PDE4D: variants seen among roughly 807,000 people sequenced by gnomAD.
The protein encoded by PDE4D is phosphodiesterase 4D.
PDE4D carries 24 observed loss-of-function variants against 87.4 expected under a neutral mutation model. The observed-to-expected ratio is 0.27, with a 90% CI of 0.20 to 0.39. The LOEUF (loss-of-function observed/expected upper bound fraction) is 0.39. PDE4D is among the 10% of genes least tolerant of loss of function. PDE4D has a pLI of 1.00. For synonymous variants in PDE4D, 384 were observed against 383.2 expected, an observed-to-expected ratio of 1.00 and a Z score of -0.02; for missense variants, 714 against 1,041.0, an observed-to-expected ratio of 0.69 and a Z score of 4.32.
intron 2 of PDE4D, among the ~76,000 whole-genome samples, chr5:60,089,009 A>C (rs560820356): frequency 6.6e-6 from 1 of 152,166 alleles, no homozygotes; most frequent in East Asian, 1.9e-4. Flanking sequence ...AAACAAACAA[A>C]AAGAGCAGAA....
At chr5:60,004,674 AT>A (rs1764309319) in intron 2 of PDE4D, among the ~76,000 whole-genome samples, 1 of 152,134 alleles carries the variant, frequency 6.6e-6, no homozygotes, top group Non-Finnish European at 1.5e-5. Context: ...TTGAATAGAC[AT>A]TTCTCCAAAG....
intron 1 of PDE4D, among the ~76,000 whole-genome samples, chr5:60,374,803 T>C (rs1264747011): frequency 3.9e-5 from 6 of 152,230 alleles, no homozygotes; most frequent in African/African-American, 1.4e-4. Context: ...CATTTGCTAC[T>C]TCATAATTTT....
rs992889016 is a variant in PDE4D at position 59,146,236 on chromosome 5, C to G, written c.808+34359G>C. Among the ~76,000 whole-genome samples the G allele has an allele frequency of 6.2e-4, 94 of 152,124 alleles. 2 individuals are homozygous for G. Among genetic ancestry groups the G allele is most frequent in the Non-Finnish European group, 2.2e-4 (15 of 68,010 alleles). On this transcript the variant is annotated intron_variant, in intron 5 of 14. Transcript: ENST00000340635. ...CTGTAGGAAGCTTTCCTTTTCCTTTCTGATAGACACCTTTGAAATATTAAC... is the reference window on the plus strand; with the variant it reads ...CTGTAGGAAGCTTTCCTTTTCCTTTGTGATAGACACCTTTGAAATATTAAC...
rs530329389 is a variant in PDE4D, at chr5:59,721,410, A to G, written c.455+171758T>C. Among the ~76,000 whole-genome samples the G allele has an allele frequency of 2.6e-5, 4 of 152,290 alleles. No homozygotes were observed. The South Asian group carries it at 6.2e-4, about 24-fold the overall frequency. ...GTAGCCCTAGTTTTTAGGCATGTTAATCTGGAATACAATTTTAAAAGCTAA... is the reference window on the plus strand; with the variant it reads ...GTAGCCCTAGTTTTTAGGCATGTTAGTCTGGAATACAATTTTAAAAGCTAA... On this transcript the variant is annotated intron_variant, in intron 1 of 14. Transcript: ENST00000340635.
In PDE4D at chr5:59,651,052, G is replaced by A. The variant is rs186763882; in HGVS notation, c.455+242116C>T. On this transcript the variant is annotated intron_variant, in intron 1 of 14. Coordinates refer to ENST00000340635, the MANE Select transcript of PDE4D (RefSeq NM_001104631.2). ...GGGCGGATCACGAGGTCAGGAGATC[G>A]AGACCATCCTGGCCAACATAGTGAA... is the stretch of plus-strand genomic sequence containing the variant. Among the ~76,000 whole-genome samples, 163 of 151,926 alleles carry A rather than the reference G, an allele frequency of 1.1e-3. 2 individuals carry two copies. Among genetic ancestry groups the A allele is most frequent in the African/African-American group, 3.3e-3 (135 of 41,476 alleles).
chr5:60,301,166 CTT>C (rs897890931), intron 1 of PDE4D, among the ~76,000 whole-genome samples: 1 of 152,202 alleles, frequency 6.6e-6, no homozygotes, highest in African/African-American at 2.4e-5. Flanking sequence ...CAGCTTTACT[CTT>C]TTTGCTTAGG....
At chr5:60,285,565 CTGTT>C (rs1350626304) in intron 1 of PDE4D, among the ~76,000 whole-genome samples, 1 of 151,876 alleles carries the variant, frequency 6.6e-6, no homozygotes, top group East Asian at 1.9e-4. Flanking sequence ...AACAACGAAT[CTGTT>C]TGGGAGTTGA....
chr5:59,087,996 C>T (rs1432970665), intron 5 of PDE4D, among the ~76,000 whole-genome samples: 1 of 152,154 alleles, frequency 6.6e-6, no homozygotes, highest in African/African-American at 2.4e-5. Context: ...AGTTGCTGGT[C>T]CTTGAAGTCT....
chr5:59,576,237 G>C (rs1823125595), intron 1 of PDE4D, among the ~76,000 whole-genome samples: 1 of 152,094 alleles, frequency 6.6e-6, no homozygotes, highest in Non-Finnish European at 1.5e-5. Flanking sequence ...TACAGATCAT[G>C]GAGAGGTTAG....
At chr5:59,744,790 C>T (rs1187930557) in intron 1 of PDE4D, among the ~76,000 whole-genome samples, 1 of 152,094 alleles carries the variant, frequency 6.6e-6, no homozygotes, top group Non-Finnish European at 1.5e-5. Flanking sequence ...ATAGTAATCA[C>T]ATATCATGTG....
chr5:59,529,705 G>C (rs1813824878), intron 1 of PDE4D, among the ~76,000 whole-genome samples: 1 of 151,826 alleles, frequency 6.6e-6, no homozygotes, highest in Non-Finnish European at 1.5e-5. Flanking sequence ...CCAATTTAAG[G>C]TTTTGAAATA....
In PDE4D at chr5:59,148,149, G is replaced by GA. The variant is rs367600575; in HGVS notation, c.808+32445dup. Among the ~76,000 whole-genome samples, 463 of 149,150 alleles carry GA rather than the reference G, an allele frequency of 3.1e-3. 10 individuals carry two copies. In the East Asian group the frequency reaches 0.055, roughly 18 times the overall value. ...ATGAAGGTAACCCATCCTCAGCTAG[G>GA]AAAAAAAAAATATGTATTTTCCAAA... On this transcript the variant is annotated intron_variant, in intron 5 of 14. Coordinates refer to ENST00000340635, the MANE Select transcript of PDE4D (RefSeq NM_001104631.2).
intron 2 of PDE4D, among the ~76,000 whole-genome samples, chr5:60,098,169 G>T (rs900591691): frequency 6.6e-6 from 1 of 151,808 alleles, no homozygotes; most frequent in African/African-American, 2.4e-5. Flanking sequence ...CACACAGCCT[G>T]GAAGTTGGTT....
At chr5:60,242,393 A>G (rs1334808846) in intron 1 of PDE4D, among the ~76,000 whole-genome samples, 1 of 152,132 alleles carries the variant, frequency 6.6e-6, no homozygotes, top group Non-Finnish European at 1.5e-5. Context: ...TCAACAGCCC[A>G]CTTTCGTCAT....
intron 1 of PDE4D, among the ~76,000 whole-genome samples, chr5:60,424,100 C>T (rs746497664): frequency 6.6e-6 from 1 of 152,130 alleles, no homozygotes; most frequent in African/African-American, 2.4e-5. Context: ...CTGAATTCTA[C>T]CAGAGGTACA....
chr5:59,966,496 A>G (rs1760072528), intron 3 of PDE4D, among the ~76,000 whole-genome samples: 1 of 152,230 alleles, frequency 6.6e-6, no homozygotes, highest in African/African-American at 2.4e-5. Context: ...ATGCTGCAAC[A>G]TAATAATTTA....
intron 1 of PDE4D, among the ~76,000 whole-genome samples, chr5:60,487,211 C>T (rs913509809): frequency 9.9e-5 from 15 of 152,196 alleles, no homozygotes; most frequent in African/African-American, 3.6e-4. Flanking sequence ...CTAATAACGG[C>T]TTCCCTGGCT....
intron 8 of PDE4D, among the ~76,000 whole-genome samples, chr5:58,991,428 C>T (rs563026668): frequency 6.6e-6 from 1 of 152,178 alleles, no homozygotes; most frequent in Non-Finnish European, 1.5e-5. Context: ...CTTAAATGTA[C>T]TGAAAATTGA....
intron 1 of PDE4D, among the ~76,000 whole-genome samples, chr5:60,473,124 AAAGGAAGGAAGGAAGG>A (rs562842272): frequency 0.015 from 1,218 of 81,360 alleles, 15 homozygotes; most frequent in East Asian, 0.032. Context: ...AGAGAGAAAG[AAAGGAAGGAAGGAAGG>A]AAGGAAGGAA....
Sources: gnomAD v4.1 joint callset for allele counts (sites outside exome capture counted in the v4.1 genomes callset) on GRCh38, gnomAD v4.1.1 for gene constraint, MANE v1.5 for transcripts, NCBI Gene and HGNC (gene_info 2026-07-23, HGNC 2026-07-21) for gene names.